Variants in TACC2 observed in about 807,000 individuals in gnomAD.
TACC2 encodes the protein transforming acidic coiled-coil-containing protein 2.
A neutral mutation model predicts 227.3 loss-of-function variants in TACC2; 137 were observed. The ratio of observed to expected loss-of-function variants is 0.60; its 90% CI spans 0.52 to 0.69. The LOEUF (loss-of-function observed/expected upper bound fraction) is 0.69. Ranked by LOEUF, TACC2 falls within the 30% of genes least tolerant of loss-of-function variation. The probability of loss-of-function intolerance (pLI) is 0.00; values close to 1 mark genes in which losing one functional copy is unlikely to be tolerated. For missense variants in TACC2, 3,470 were observed against 3,694.4 expected, an observed-to-expected ratio of 0.94 and a Z score of 1.57; for synonymous variants, 1,523 against 1,487.5, an observed-to-expected ratio of 1.02 and a Z score of -0.55.
intron 8 of TACC2, among the ~76,000 whole-genome samples, chr10:122,203,314 C>T (rs1267541852): frequency 7.3e-6 from 1 of 136,726 alleles, no homozygotes; most frequent in Non-Finnish European, 1.5e-5. Flanking sequence ...GTAGGGGCGG[C>T]CGGGCAGAGG....
At chr10:122,008,462 G>A (rs1033455536) in intron 1 of TACC2, among the ~76,000 whole-genome samples, 1 of 151,810 alleles carries the variant, frequency 6.6e-6, no homozygotes, top group African/African-American at 2.4e-5. Context: ...GTTTCTCCAT[G>A]TTGGTCAGGC....
At chr10:122,125,200 T>C (rs1261727935) in intron 5 of TACC2, among the ~76,000 whole-genome samples, 1 of 152,136 alleles carries the variant, frequency 6.6e-6, no homozygotes, top group African/African-American at 2.4e-5. Context: ...TTTATGACTT[T>C]TTGAGTTTTT....
In TACC2 at chr10:122,105,987, CAT is replaced by C. The variant is rs1491257288; in HGVS notation, c.5573+17397_5573+17398del. On this transcript the variant is annotated intron_variant, in intron 5 of 22. Transcript: ENST00000369005. ...GTGTGTGTGTATGTATATACATATA[CAT>C]TTTTTTTTTTTTTTTGAGATGGGGT... is the stretch of plus-strand genomic sequence containing the variant. 1.3e-4 allele frequency among the ~76,000 whole-genome samples: 13 copies of C among 98,734 alleles called. No individual in the cohort carries two copies. The South Asian group carries it at 2.4e-3, about 18-fold the overall frequency. The allele number at this position is 98,734 out of a possible 152,430, so 64.8% of individuals were successfully genotyped here. A position where few individuals can be genotyped will look rare whatever the true frequency, so the allele number is the denominator to read the frequency against.
In TACC2 at chr10:122,235,900, A is replaced by T. The variant is rs17103252; in HGVS notation, c.8128-1495A>T. 0.011 allele frequency among the ~76,000 whole-genome samples: 1,691 copies of T among 152,084 alleles called. 109 individuals are homozygous for T. In the East Asian group the frequency reaches 0.2, roughly 18 times the overall value. Reference sequence around the variant, plus strand: ...GTGTACTTCCATCTCTGGCCAGTGGATCATTTGGGTCCTGCTTCAGGGTCA... The same window carrying T: ...GTGTACTTCCATCTCTGGCCAGTGGTTCATTTGGGTCCTGCTTCAGGGTCA... On this transcript the variant is annotated intron_variant, in intron 16 of 22. Coordinates refer to ENST00000369005, the MANE Select transcript of TACC2 (RefSeq NM_206862.4).
intron 8 of TACC2, among the ~76,000 whole-genome samples, chr10:122,203,654 GAC>G (rs2094974739): frequency 6.6e-6 from 1 of 151,910 alleles, no homozygotes; most frequent in Admixed American, 6.5e-5. Flanking sequence ...GCCGGGAAGA[GAC>G]GCTCCTCACT....
At chr10:122,057,156 C>T (rs970819987) in intron 3 of TACC2, among the ~76,000 whole-genome samples, 13 of 152,172 alleles carry the variant, frequency 8.5e-5, no homozygotes, top group Non-Finnish European at 8.8e-5. Flanking sequence ...CATGCCACTG[C>T]ACTTCAGCTG....
chr10:122,183,456 A>G (rs1330398663), intron 7 of TACC2, among the ~76,000 whole-genome samples: 2 of 152,178 alleles, frequency 1.3e-5, no homozygotes, highest in Non-Finnish European at 2.9e-5. Flanking sequence ...GAAGACCTCC[A>G]TGTGACAGCC....
intron 2 of TACC2, among the ~76,000 whole-genome samples, chr10:122,039,021 G>C (rs1162566358): frequency 1.3e-5 from 2 of 152,182 alleles, no homozygotes; most frequent in East Asian, 3.9e-4. Flanking sequence ...TGTCAGCCAG[G>C]CTGGAGTGCA....
rs116738544 is a variant in TACC2 at position 122,228,549 on chromosome 10, C to T, written c.7896+541C>T. The stretch of plus-strand genomic sequence containing the variant: ...GGCCTTGTGCATTCCCCAAAGTAAG[C>T]GATGCCCATGCCACGGTCTTCCACA... On this transcript the variant is annotated intron_variant, in intron 14 of 22. Transcript: ENST00000369005. 2.7e-3 allele frequency among the ~76,000 whole-genome samples: 413 copies of T among 152,254 alleles called. 2 individuals are homozygous for T. The highest frequency in any genetic ancestry group is 9.5e-3 in the African/African-American group (395 of 41,548).
intron 6 of TACC2, among the ~76,000 whole-genome samples, chr10:122,135,208 G>A (rs2089345073): frequency 6.6e-6 from 1 of 152,162 alleles, no homozygotes; most frequent in African/African-American, 2.4e-5. Context: ...AACCTCCACT[G>A]GCAGAGCTGC....
In TACC2 at chr10:122,084,479, CA is replaced by C; in HGVS notation, c.1980del (p.His661ThrfsTer54). 4 of 1,613,274 alleles carry C rather than the reference CA, an allele frequency of 2.5e-6. No individual in the cohort carries two copies. The highest frequency in any genetic ancestry group is 3.4e-6 in the Non-Finnish European group (4 of 1,180,012). The part of the protein sequence containing the change: ...QTAEADASGL[P>X]HKLGEEDPVL... Reference sequence around the variant, plus strand: ...GCAGAGGCTGATGCATCTGGCCTACCACACAAGCTGGGTGAGGAGGACCCCG... The same window carrying C: ...GCAGAGGCTGATGCATCTGGCCTACCCACAAGCTGGGTGAGGAGGACCCCG... On this transcript the variant is annotated frameshift_variant, in exon 4 of 23. Coordinates refer to ENST00000369005, the MANE Select transcript of TACC2 (RefSeq NM_206862.4). LOFTEE classifies it high-confidence loss of function.
chr10:121,993,714 C>T (rs572576864), intron 1 of TACC2, among the ~76,000 whole-genome samples: 1 of 152,294 alleles, frequency 6.6e-6, no homozygotes, highest in East Asian at 1.9e-4. Context: ...CAACCTCAAC[C>T]GCCCTGGCTC....
At chr10:122,098,686 T>TA (rs1468155025) in intron 5 of TACC2, among the ~76,000 whole-genome samples, 1 of 150,700 alleles carries the variant, frequency 6.6e-6, no homozygotes, top group Admixed American at 6.6e-5. Flanking sequence ...TTTTTATTGC[T>TA]ACTATCATTA....
intron 7 of TACC2, among the ~76,000 whole-genome samples, chr10:122,144,179 A>G (rs7917144): frequency 0.82 from 123,920 of 152,028 alleles, 51,769 homozygotes; most frequent in Non-Finnish European, 0.91. Flanking sequence ...GGGAAGGTCA[A>G]TCCTTTTCCT....
intron 9 of TACC2, among the ~76,000 whole-genome samples, chr10:122,212,169 C>T (rs996126439): frequency 1.3e-5 from 2 of 152,244 alleles, no homozygotes; most frequent in Non-Finnish European, 2.9e-5. Context: ...GCCCAACCTA[C>T]AAACATAGTA....
At position 122,227,871 on chromosome 10, in the gene TACC2, A is replaced by G. The variant is rs2095659167; in HGVS notation, c.7759A>G (p.Thr2587Ala). The change falls in exon 14 of 23, where the codon ACT (threonine) becomes GCT (alanine). Residue 2587 changes from threonine to alanine, a missense_variant. Physicochemically the swap from Thr to Ala is moderately conservative, Grantham distance 58. This residue lies in a region of TACC2 where 345 missense variants were observed against 354.4 expected (regional missense o/e 0.97). Transcript: ENST00000369005. ...TGAAGAGACTGAAGCCCTTGTGAAC[A>G]CTGCTGCGAAAAACCAGCATCCTGT... The part of the protein sequence containing the change: ...SFEETEALVN[T>A]AAKNQHPVPR... The G allele has an allele frequency of 8.1e-6, 13 of 1,614,184 alleles. No homozygotes were observed. Among genetic ancestry groups the G allele is most frequent in the Middle Eastern group, 1.6e-4 (1 of 6,062 alleles).
In TACC2 at chr10:122,106,464, A is replaced by C. The variant is rs184792995; in HGVS notation, c.5573+17873A>C. On this transcript the variant is annotated intron_variant, in intron 5 of 22. Transcript: ENST00000369005. ...GCACAGGTTTCTAGCCTGGCTTCTC[A>C]TTTCTATGTGGCTTTCCACTTCTCA... Among the ~76,000 whole-genome samples, 102 of 152,284 alleles carry C rather than the reference A, an allele frequency of 6.7e-4. 2 individuals are homozygous for C. Among genetic ancestry groups the C allele is most frequent in the Admixed American group, 5.6e-3 (86 of 15,294 alleles).
At chr10:122,169,768 T>G (rs1592865737) in intron 7 of TACC2, among the ~76,000 whole-genome samples, 2 of 152,322 alleles carry the variant, frequency 1.3e-5, no homozygotes, top group African/African-American at 4.8e-5. Context: ...TCCTTTTTTT[T>G]GAGACAGGGT....
intron 5 of TACC2, among the ~76,000 whole-genome samples, chr10:122,101,422 G>A (rs1042077295): frequency 1.3e-5 from 2 of 152,194 alleles, no homozygotes; most frequent in African/African-American, 2.4e-5. Context: ...ACAAATGTTT[G>A]TAGAATGATT....
Sources: gnomAD v4.1 joint callset for allele counts (sites outside exome capture counted in the v4.1 genomes callset) on GRCh38, gnomAD v4.1.1 for gene constraint, gnomAD v4.1.1 regional missense constraint, MANE v1.5 for transcripts, NCBI Gene and HGNC (gene_info 2026-07-23, HGNC 2026-07-21) for gene names.